NKAIN2: variants seen among roughly 807,000 people sequenced by gnomAD.
The protein encoded by NKAIN2 is sodium/potassium transporting ATPase interacting 2.
Under a neutral mutation model 32.6 loss-of-function variants are expected in NKAIN2, and 14 were observed. That is an observed-to-expected ratio of 0.43 (90% confidence interval 0.28 to 0.67). NKAIN2 has a LOEUF of 0.67. Among genes scored for constraint, NKAIN2 ranks in the 30% least tolerant of loss-of-function variants. NKAIN2 has a pLI of 0.17. For synonymous variants in NKAIN2, 80 were observed against 87.2 expected (o/e 0.92, Z 0.46); for missense variants, 198 against 258.3 (o/e 0.77, Z 1.60).
At chr6:123,861,483 T>A (rs1023467279) in intron 1 of NKAIN2, among the ~76,000 whole-genome samples, 1 of 152,216 alleles carries the variant, frequency 6.6e-6, no homozygotes, top group Admixed American at 6.5e-5. Context: ...GATACACCAT[T>A]GGAAGACATT....
At chr6:124,149,753 G>A (rs1421103587) in intron 1 of NKAIN2, among the ~76,000 whole-genome samples, 3 of 151,976 alleles carry the variant, frequency 2.0e-5, no homozygotes, top group African/African-American at 4.8e-5. Context: ...CTTTTTTGCC[G>A]GGTCTGTCCT....
At chr6:124,396,603 A>G (rs938703079) in intron 3 of NKAIN2, among the ~76,000 whole-genome samples, 1 of 152,132 alleles carries the variant, frequency 6.6e-6, no homozygotes, top group Non-Finnish European at 1.5e-5. Context: ...CCTTACTTAA[A>G]GGGAAGAAGG....
At chr6:124,301,461 G>C (rs1796289555) in intron 2 of NKAIN2, among the ~76,000 whole-genome samples, 1 of 152,148 alleles carries the variant, frequency 6.6e-6, no homozygotes, top group African/African-American at 2.4e-5. Flanking sequence ...TAGTGGAGCT[G>C]TGAGAAGAAG....
chr6:123,980,401 C>T (rs925115838), intron 1 of NKAIN2, among the ~76,000 whole-genome samples: 2 of 152,230 alleles, frequency 1.3e-5, no homozygotes, highest in African/African-American at 4.8e-5. Flanking sequence ...CTTGACTCAG[C>T]CCAAGTCAGT....
intron 3 of NKAIN2, among the ~76,000 whole-genome samples, chr6:124,477,470 T>A (rs1207823812): frequency 1.3e-5 from 2 of 152,124 alleles, no homozygotes; most frequent in East Asian, 3.9e-4. Context: ...GTGTCACCTG[T>A]GAGAACCAAA....
At chr6:124,335,042 C>T (rs75928995) in intron 2 of NKAIN2, among the ~76,000 whole-genome samples, 67 of 152,144 alleles carry the variant, frequency 4.4e-4, no homozygotes, top group African/African-American at 1.4e-3. Flanking sequence ...TTGCTCTTGA[C>T]GGTATCCAAC....
chr6:124,243,561 A>G (rs1252630672), intron 1 of NKAIN2, among the ~76,000 whole-genome samples: 1 of 152,032 alleles, frequency 6.6e-6, no homozygotes, highest in Non-Finnish European at 1.5e-5. Context: ...GGAATTTGGC[A>G]GCCAATGTAT....
chr6:124,073,105 T>C (rs1385389860), intron 1 of NKAIN2, among the ~76,000 whole-genome samples: 1 of 152,224 alleles, frequency 6.6e-6, no homozygotes, highest in African/African-American at 2.4e-5. Context: ...ATGAACTTTC[T>C]ACAAAAGTTC....
intron 1 of NKAIN2, among the ~76,000 whole-genome samples, chr6:124,027,935 A>G (rs755012462): frequency 6.6e-5 from 10 of 152,122 alleles, no homozygotes; most frequent in Admixed American, 1.3e-4. Flanking sequence ...CCTAATAACT[A>G]TGCAATAAAG....
intron 3 of NKAIN2, among the ~76,000 whole-genome samples, chr6:124,571,354 G>C (rs374220631): frequency 1.8e-4 from 27 of 152,216 alleles, no homozygotes; most frequent in African/African-American, 6.3e-4. Context: ...GGCGTGGAAT[G>C]ATAAGGTTTG....
chr6:123,995,816 G>T (rs1165241949), intron 1 of NKAIN2, among the ~76,000 whole-genome samples: 2 of 152,136 alleles, frequency 1.3e-5, no homozygotes, highest in East Asian at 3.8e-4. Context: ...TGAAAGAGAA[G>T]TTGAAAGCCT....
At chr6:123,805,024 C>T (rs1362416053) in intron 1 of NKAIN2, among the ~76,000 whole-genome samples, 3 of 152,066 alleles carry the variant, frequency 2.0e-5, no homozygotes, top group African/African-American at 7.2e-5. Context: ...GAATGTTGTA[C>T]AGTTGCAAAG....
At chr6:124,250,453 A>G (rs1793647078) in intron 1 of NKAIN2, among the ~76,000 whole-genome samples, 1 of 152,150 alleles carries the variant, frequency 6.6e-6, no homozygotes, top group Non-Finnish European at 1.5e-5. Context: ...TAAAACATCT[A>G]GAAAATAATC....
intron 6 of NKAIN2, among the ~76,000 whole-genome samples, chr6:124,818,800 A>G (rs1052680031): frequency 2.6e-5 from 4 of 152,136 alleles, no homozygotes; most frequent in African/African-American, 9.6e-5. Context: ...GCAGTTATAT[A>G]TAATTATATA....
At chr6:124,368,630 G>T (rs956473499) in intron 3 of NKAIN2, among the ~76,000 whole-genome samples, 1 of 152,044 alleles carries the variant, frequency 6.6e-6, no homozygotes, top group African/African-American at 2.4e-5. Context: ...GAAAATGTTC[G>T]TAGAAGGTCC....
chr6:124,283,074 G>T lies in NKAIN2; in HGVS notation c.124G>T (p.Val42Leu). Residue 42 changes from valine (V) to leucine (L), a missense_variant, in exon 2 of 7, where the codon GTA becomes TTA. Val to Leu is a conservative substitution (Grantham distance 32, BLOSUM62 1). Coordinates refer to ENST00000368417, the MANE Select transcript of NKAIN2 (RefSeq NM_001040214.3). ...GTGGGCACCTATCCTGGCAAATTTT[G>T]TACATATTATTATCGTCATTCTTGG... ...YQWAPILANF[V>L]HIIIVILGLF... The T allele has an allele frequency of 1.9e-6, 3 of 1,611,234 alleles. No homozygotes were observed. The highest frequency in any genetic ancestry group is 2.2e-5 in the East Asian group (1 of 44,824).
chr6:124,820,078 C>A (rs952700715), intron 6 of NKAIN2, among the ~76,000 whole-genome samples: 1 of 151,980 alleles, frequency 6.6e-6, no homozygotes. Context: ...TCTTTTATTT[C>A]TTTCCCCATG....
At chr6:123,970,964 G>T (rs1217072264) in intron 1 of NKAIN2, among the ~76,000 whole-genome samples, 2 of 152,056 alleles carry the variant, frequency 1.3e-5, no homozygotes, top group Non-Finnish European at 2.9e-5. Flanking sequence ...AACAATCTTT[G>T]CAATTTAAGT....
intron 1 of NKAIN2, among the ~76,000 whole-genome samples, chr6:124,003,765 T>C (rs1779966875): frequency 6.6e-6 from 1 of 152,166 alleles, no homozygotes; most frequent in African/African-American, 2.4e-5. Flanking sequence ...CAAAGGGCAC[T>C]GCATTCTCAG....
Sources: gnomAD v4.1 joint callset for allele counts (sites outside exome capture counted in the v4.1 genomes callset) on GRCh38, gnomAD v4.1.1 for gene constraint, MANE v1.5 for transcripts, NCBI Gene and HGNC (gene_info 2026-07-23, HGNC 2026-07-21) for gene names.